LRRIQ3: variants seen among roughly 807,000 people sequenced by gnomAD.
LRRIQ3 encodes leucine rich repeats and IQ motif containing 3.
In LRRIQ3, 75 loss-of-function variants were observed where a neutral mutation model predicts 59.3. That is an observed-to-expected ratio of 1.26 (90% CI 1.05 to 1.53). The LOEUF (loss-of-function observed/expected upper bound fraction) is 1.53, where lower values mean the gene tolerates loss of function less well. Ranked by LOEUF, LRRIQ3 falls within the 40% of genes most tolerant of loss-of-function variation. LRRIQ3 has a pLI of 0.00. For missense variants in LRRIQ3, 831 were observed against 710.0 expected (o/e 1.17, Z -1.94); for synonymous variants, 250 against 231.3 (o/e 1.08, Z -0.73).
chr1:74,138,944 G>A (rs1481038554), intron 4 of LRRIQ3, among the ~76,000 whole-genome samples: 1 of 151,416 alleles, frequency 6.6e-6, no homozygotes, highest in Non-Finnish European at 1.5e-5. Context: ...TGTCACTTTG[G>A]GAGGCCAACA....
intron 4 of LRRIQ3, among the ~76,000 whole-genome samples, chr1:74,128,831 A>T (rs987131740): frequency 3.9e-5 from 6 of 152,238 alleles, no homozygotes; most frequent in East Asian, 1.9e-4. Flanking sequence ...GGGCAACCCA[A>T]GCCCAGTAAT....
intron 5 of LRRIQ3, chr1:74,108,800 C>A: frequency 3.5e-6 from 1 of 283,886 alleles, no homozygotes; most frequent in Non-Finnish European, 6.9e-6. Context: ...TCCGATCCTA[C>A]CTATTAATTA....
At chr1:74,095,676 A>G (rs1363113507) in intron 5 of LRRIQ3, among the ~76,000 whole-genome samples, 1 of 152,114 alleles carries the variant, frequency 6.6e-6, no homozygotes, top group African/African-American at 2.4e-5. Flanking sequence ...TTTGTACTCT[A>G]AAATCATAGC....
chr1:74,177,205 C>T (rs150436746), intron 3 of LRRIQ3, among the ~76,000 whole-genome samples: 8 of 152,136 alleles, frequency 5.3e-5, no homozygotes, highest in African/African-American at 1.9e-4. Flanking sequence ...CTTTCAGCTG[C>T]TAAGTATGTC....
At position 74,058,051 on chromosome 1, in the gene LRRIQ3, CAAAAAAA is replaced by C. The variant is rs1023787709; in HGVS notation, c.998-16125_998-16119del. On this transcript the variant is annotated intron_variant, in intron 6 of 7. Coordinates refer to ENST00000354431, the MANE Select transcript of LRRIQ3 (RefSeq NM_001105659.2). ...TCACCCCTCTTAGAATGGCTATTAT[CAAAAAAA>C]CAAAAAACAAAAAACAAATACTAGT... 4.6e-5 allele frequency among the ~76,000 whole-genome samples: 7 copies of C among 151,140 alleles called. No homozygotes were observed. In the South Asian group the frequency reaches 6.2e-4, roughly 13 times the overall value.
At position 74,041,473 on chromosome 1, in the gene LRRIQ3, A is replaced by T; in HGVS notation, c.1458T>A (p.Val486=). The T allele has an allele frequency of 6.2e-7, 1 of 1,613,494 alleles. No homozygotes were observed. The highest frequency in any genetic ancestry group is 8.5e-7 in the Non-Finnish European group (1 of 1,179,848). ...CAAGGTAGTTGAATCTGTTTTGCCA[A>T]ACTTGTCGTAAACTGTTCTGAATTG... The part of the protein sequence containing the change: ...KETIQNSLRQ[V]WQNRFNYLEK... Residue 486 remains valine, a synonymous_variant, in exon 7 of 8, where the codon GTT becomes GTA. Coordinates refer to ENST00000354431, the MANE Select transcript of LRRIQ3 (RefSeq NM_001105659.2).
intron 4 of LRRIQ3, among the ~76,000 whole-genome samples, chr1:74,130,303 C>T (rs1309366054): frequency 6.6e-6 from 1 of 152,098 alleles, no homozygotes; most frequent in African/African-American, 2.4e-5. Flanking sequence ...AGCAACTTCC[C>T]TATGGCTATG....
chr1:74,123,085 C>T (rs1646883411), intron 4 of LRRIQ3, among the ~76,000 whole-genome samples: 1 of 152,080 alleles, frequency 6.6e-6, no homozygotes, highest in Admixed American at 6.6e-5. Context: ...AGCATTATTT[C>T]CTAACTCTAG....
intron 7 of LRRIQ3, 123 bp from the exon 8 acceptor site, chr1:74,027,092 A>G: frequency 1.8e-6 from 1 of 564,584 alleles, no homozygotes; most frequent in Non-Finnish European, 2.9e-6. Flanking sequence ...AGTGAGAAAG[A>G]CACAACTCCA....
intron 6 of LRRIQ3, among the ~76,000 whole-genome samples, chr1:74,070,472 C>T (rs1304725819): frequency 1.3e-5 from 2 of 151,792 alleles, no homozygotes; most frequent in African/African-American, 4.8e-5. Context: ...CTGGGCCCTA[C>T]TGGAGAGTGG....
At chr1:74,149,442 A>T (rs952822641) in intron 4 of LRRIQ3, among the ~76,000 whole-genome samples, 2 of 152,168 alleles carry the variant, frequency 1.3e-5, no homozygotes, top group African/African-American at 4.8e-5. Context: ...TCACATAAAA[A>T]ATTGTAATTT....
At chr1:74,080,323 T>C (rs752907299) in intron 5 of LRRIQ3, among the ~76,000 whole-genome samples, 4 of 151,712 alleles carry the variant, frequency 2.6e-5, no homozygotes, top group Non-Finnish European at 5.9e-5. Context: ...AGAGCATTAT[T>C]GAAAATTGGA....
chr1:74,186,081 TATAA>T (rs1327136226), intron 1 of LRRIQ3, among the ~76,000 whole-genome samples: 1 of 148,892 alleles, frequency 6.7e-6, no homozygotes, highest in East Asian at 1.9e-4. Context: ...TATATAGCTA[TATAA>T]ATATATATAA....
At chr1:74,086,728 A>G (rs934646766) in intron 5 of LRRIQ3, among the ~76,000 whole-genome samples, 1 of 152,170 alleles carries the variant, frequency 6.6e-6, no homozygotes, top group African/African-American at 2.4e-5. Context: ...GATGTAAAAG[A>G]GTAAATAATA....
chr1:74,038,528 A>T (rs114536319), intron 7 of LRRIQ3, among the ~76,000 whole-genome samples: 1,681 of 152,250 alleles, frequency 0.011, 35 homozygotes, highest in African/African-American at 0.039. Flanking sequence ...TTAAACAGGG[A>T]TTGTCAGACA....
chr1:74,191,784 G>C (rs547874673), intron 1 of LRRIQ3, among the ~76,000 whole-genome samples: 3 of 152,164 alleles, frequency 2.0e-5, no homozygotes, highest in Admixed American at 2.0e-4. Context: ...TACAAGCAGT[G>C]CTTAAAAGGA....
chr1:74,178,336 G>T (rs1347729708), intron 3 of LRRIQ3, among the ~76,000 whole-genome samples: 4 of 150,606 alleles, frequency 2.7e-5, no homozygotes, highest in African/African-American at 4.9e-5. Context: ...CACTTTTATG[G>T]TTTTTTTCAT....
intron 5 of LRRIQ3, among the ~76,000 whole-genome samples, chr1:74,091,942 G>A (rs1480098418): frequency 1.3e-5 from 2 of 151,886 alleles, no homozygotes; most frequent in African/African-American, 4.8e-5. Context: ...ATTTTTGTCT[G>A]GGCACATTTC....
chr1:74,071,180 A>G (rs1258875588), intron 6 of LRRIQ3, among the ~76,000 whole-genome samples: 1 of 151,942 alleles, frequency 6.6e-6, no homozygotes, highest in South Asian at 2.1e-4. Context: ...ATATAGTTAT[A>G]TAATCTTTTA....
Sources: gnomAD v4.1 joint callset for allele counts (sites outside exome capture counted in the v4.1 genomes callset) on GRCh38, gnomAD v4.1.1 for gene constraint, MANE v1.5 for transcripts, NCBI Gene and HGNC (gene_info 2026-07-23, HGNC 2026-07-21) for gene names.